Variants in ELOVL5 observed in about 807,000 individuals in gnomAD.
The protein encoded by ELOVL5 is ELOVL fatty acid elongase 5.
Under a neutral mutation model 38.6 loss-of-function variants are expected in ELOVL5, and 8 were observed. That is an observed-to-expected ratio of 0.21 (90% CI 0.12 to 0.37). ELOVL5 has a LOEUF of 0.37. Ranked by LOEUF, ELOVL5 falls within the 10% of genes least tolerant of loss-of-function variation. The pLI, the probability that ELOVL5 is intolerant of heterozygous loss-of-function variation, is 1.00. For synonymous variants in ELOVL5, 127 were observed against 133.7 expected (o/e 0.95, Z 0.34); for missense variants, 280 against 367.8 (o/e 0.76, Z 1.95).
chr6:53,323,559 C>T (rs1232448563), intron 1 of ELOVL5, among the ~76,000 whole-genome samples: 2 of 147,494 alleles, frequency 1.4e-5, no homozygotes, highest in Non-Finnish European at 3.0e-5. Context: ...GGCTCTACCA[C>T]GTCCAATACT....
At chr6:53,324,445 ACAGGC>A (rs1346442763) in intron 1 of ELOVL5, among the ~76,000 whole-genome samples, 4 of 151,882 alleles carry the variant, frequency 2.6e-5, no homozygotes, top group African/African-American at 9.7e-5. Flanking sequence ...GGAGGCCAAG[ACAGGC>A]AGATCGTTTG....
intron 3 of ELOVL5, among the ~76,000 whole-genome samples, chr6:53,276,463 G>A (rs1766131665): frequency 6.6e-6 from 1 of 152,182 alleles, no homozygotes; most frequent in Non-Finnish European, 1.5e-5. Flanking sequence ...GGGCTTAAAA[G>A]TCACTCCCAG....
intron 1 of ELOVL5, among the ~76,000 whole-genome samples, chr6:53,330,516 A>ATTTTTTT (rs1257101194): frequency 1.2e-5 from 1 of 84,844 alleles, no homozygotes; most frequent in Non-Finnish European, 2.7e-5. Context: ...TTCTTTATAA[A>ATTTTTTT]CTTTTTTTTT....
intron 1 of ELOVL5, among the ~76,000 whole-genome samples, chr6:53,316,055 T>C (rs760549803): frequency 6.6e-6 from 1 of 152,154 alleles, no homozygotes; most frequent in Non-Finnish European, 1.5e-5. Flanking sequence ...CCTCATGGAG[T>C]TGCTGTGAGG....
chr6:53,306,671 C>A (rs867352830), intron 1 of ELOVL5, among the ~76,000 whole-genome samples: 1 of 152,264 alleles, frequency 6.6e-6, no homozygotes. Flanking sequence ...GGACCATTTA[C>A]AACAATCCAC....
chr6:53,337,740 G>T (rs1769136594), intron 1 of ELOVL5, among the ~76,000 whole-genome samples: 1 of 152,182 alleles, frequency 6.6e-6, no homozygotes, highest in South Asian at 2.1e-4. Flanking sequence ...TAATTTTTAG[G>T]AATCAAGAAA....
intron 1 of ELOVL5, among the ~76,000 whole-genome samples, chr6:53,345,061 G>C (rs759847190): frequency 4.6e-5 from 7 of 152,144 alleles, no homozygotes; most frequent in Middle Eastern, 3.2e-3. Context: ...CCTGGTTCTG[G>C]GATGGGCCCC....
At chr6:53,310,127 A>G (rs1047278331) in intron 1 of ELOVL5, among the ~76,000 whole-genome samples, 2 of 152,358 alleles carry the variant, frequency 1.3e-5, no homozygotes, top group Non-Finnish European at 2.9e-5. Context: ...TAAGGCACCA[A>G]TTACAAGCAC....
chr6:53,277,140 C>T (rs1278669834), intron 3 of ELOVL5: 1 of 153,212 alleles, frequency 6.5e-6, no homozygotes, highest in African/African-American at 2.4e-5. Flanking sequence ...AACACAGATT[C>T]CCCCCCAGGG....
intron 1 of ELOVL5, among the ~76,000 whole-genome samples, chr6:53,330,122 C>G (rs1200190458): frequency 2.0e-5 from 3 of 152,114 alleles, no homozygotes. Flanking sequence ...GATGTATGGC[C>G]TACTACACAT....
At chr6:53,277,780 G>T (rs542659886) in intron 3 of ELOVL5, 1 of 152,300 alleles carries the variant, frequency 6.6e-6, no homozygotes, top group South Asian at 2.1e-4. Context: ...TCCAAAGTGC[G>T]TTGGAGGTCG....
intron 1 of ELOVL5, among the ~76,000 whole-genome samples, chr6:53,320,607 G>A (rs1768265442): frequency 6.6e-6 from 1 of 151,930 alleles, no homozygotes; most frequent in African/African-American, 2.4e-5. Flanking sequence ...ACAGGCGTGA[G>A]CCACCACACC....
intron 1 of ELOVL5, among the ~76,000 whole-genome samples, chr6:53,315,063 A>G (rs1485613133): frequency 1.3e-5 from 2 of 152,198 alleles, no homozygotes; most frequent in Non-Finnish European, 2.9e-5. Context: ...TATAAAGAAA[A>G]TAGCACATGC....
intron 1 of ELOVL5, among the ~76,000 whole-genome samples, chr6:53,339,199 C>T (rs1769214364): frequency 6.6e-6 from 1 of 152,176 alleles, no homozygotes; most frequent in South Asian, 2.1e-4. Flanking sequence ...TATTCATCTC[C>T]TCTATAGCAT....
intron 1 of ELOVL5, among the ~76,000 whole-genome samples, chr6:53,337,743 T>A (rs1238212369): frequency 6.6e-6 from 1 of 152,136 alleles, no homozygotes; most frequent in African/African-American, 2.4e-5. Flanking sequence ...TTTTTAGGAA[T>A]CAAGAAAACA....
intron 1 of ELOVL5, chr6:53,337,339 G>C (rs1350113662): frequency 6.6e-6 from 1 of 152,220 alleles, no homozygotes; most frequent in Non-Finnish European, 1.5e-5. Context: ...GATCTGCACA[G>C]ACTGCAGCCA....
chr6:53,274,388 A>G (rs1472737555), intron 5 of ELOVL5, among the ~76,000 whole-genome samples: 1 of 152,096 alleles, frequency 6.6e-6, no homozygotes, highest in African/African-American at 2.4e-5. Context: ...TCAGGTAATC[A>G]AGGGCAGTGC....
chr6:53,294,431 T>G (rs1441825246), intron 2 of ELOVL5: 2 of 1,550,610 alleles, frequency 1.3e-6, no homozygotes, highest in African/African-American at 2.7e-5. Flanking sequence ...TTGGAGCTGC[T>G]GTAGCCATCC....
intron 1 of ELOVL5, among the ~76,000 whole-genome samples, chr6:53,310,131 C>T (rs1287696358): frequency 6.6e-6 from 1 of 152,202 alleles, no homozygotes; most frequent in Non-Finnish European, 1.5e-5. Context: ...GCACCAATTA[C>T]AAGCACGGCC....
Sources: allele counts gnomAD v4.1 joint callset (sites outside exome capture counted in the v4.1 genomes callset), GRCh38; gene constraint gnomAD v4.1.1; transcripts MANE v1.5; gene names NCBI Gene and HGNC (gene_info 2026-07-23, HGNC 2026-07-21).